MYRIP: variants seen among roughly 807,000 people sequenced by gnomAD.
MYRIP encodes rab effector MyRIP.
Under a neutral mutation model 98.0 loss-of-function variants are expected in MYRIP, and 49 were observed. That is an observed-to-expected ratio of 0.50 (90% CI 0.40 to 0.63). The LOEUF (loss-of-function observed/expected upper bound fraction) is 0.63. Among genes scored for constraint, MYRIP ranks in the 30% least tolerant of loss-of-function variants. The probability of loss-of-function intolerance (pLI) is 0.00; values close to 1 mark genes in which losing one functional copy is unlikely to be tolerated. For synonymous variants in MYRIP, 404 were observed against 409.5 expected, an observed-to-expected ratio of 0.99 and a Z score of 0.16; for missense variants, 1,004 against 1,058.2, an observed-to-expected ratio of 0.95 and a Z score of 0.71.
chr3:40,025,127 C>G (rs1947093236), intron 2 of MYRIP, among the ~76,000 whole-genome samples: 1 of 152,154 alleles, frequency 6.6e-6, no homozygotes, highest in Admixed American at 6.5e-5. Context: ...ACTCGCTGAA[C>G]CTGAGGCTAG....
At chr3:40,144,368 C>G (rs1949970262) in intron 3 of MYRIP, among the ~76,000 whole-genome samples, 2 of 152,216 alleles carry the variant, frequency 1.3e-5, no homozygotes, top group African/African-American at 4.8e-5. Flanking sequence ...GTCATGAGAC[C>G]ACCACCACTA....
intron 3 of MYRIP, among the ~76,000 whole-genome samples, chr3:40,121,553 C>A (rs1485899572): frequency 6.6e-6 from 1 of 152,068 alleles, no homozygotes; most frequent in Admixed American, 6.5e-5. Flanking sequence ...CCACTGCATT[C>A]TTTGGGTGCC....
chr3:39,996,997 C>T (rs1001893659), intron 2 of MYRIP, among the ~76,000 whole-genome samples: 16 of 152,214 alleles, frequency 1.1e-4, no homozygotes, highest in African/African-American at 3.4e-4. Flanking sequence ...AGAACAAAGA[C>T]ACAACATACC....
intron 2 of MYRIP, among the ~76,000 whole-genome samples, chr3:39,927,502 T>G (rs183158476): frequency 6.6e-6 from 1 of 151,822 alleles, no homozygotes; most frequent in Non-Finnish European, 1.5e-5. Flanking sequence ...AGGGAAGAAA[T>G]TGAAACTCTG....
chr3:39,919,696 GT>G (rs1944259765), intron 2 of MYRIP, among the ~76,000 whole-genome samples: 9 of 67,332 alleles, frequency 1.3e-4, no homozygotes, highest in Admixed American at 2.2e-4. Context: ...TATGTGTGGT[GT>G]GTGTGTGTGT....
intron 3 of MYRIP, among the ~76,000 whole-genome samples, chr3:40,095,323 C>G (rs571018940): frequency 2.0e-5 from 3 of 152,288 alleles, no homozygotes; most frequent in African/African-American, 7.2e-5. Context: ...CTTCTTTGAG[C>G]AGAGAGGGTG....
intron 3 of MYRIP, among the ~76,000 whole-genome samples, chr3:40,078,092 C>T (rs935269965): frequency 2.0e-5 from 3 of 152,240 alleles, no homozygotes; most frequent in South Asian, 2.1e-4. Context: ...AGCTAAGGCC[C>T]GATGAGAAAT....
chr3:39,977,119 A>AT (rs1419008569), intron 2 of MYRIP, among the ~76,000 whole-genome samples: 2 of 150,896 alleles, frequency 1.3e-5, no homozygotes, highest in Non-Finnish European at 2.9e-5. Flanking sequence ...TAAAAGGTTT[A>AT]TTTTAAAAAA....
At chr3:39,860,021 A>G (rs1472542353) in intron 1 of MYRIP, among the ~76,000 whole-genome samples, 1 of 152,238 alleles carries the variant, frequency 6.6e-6, no homozygotes, top group African/African-American at 2.4e-5. Flanking sequence ...GTAGGCAAGA[A>G]AAGGAAATAC....
At chr3:40,159,478 G>GTTGCTCTTCTCGAGGAGTATCTTTGTGGA (rs1309660926) in intron 4 of MYRIP, among the ~76,000 whole-genome samples, 8 of 151,906 alleles carry the variant, frequency 5.3e-5, no homozygotes, top group African/African-American at 1.9e-4. Context: ...GTGTCTTGGA[G>GTTGCTCTTCTCGAGGAGTATCTTTGTGGA]TTGCTCTTCT....
chr3:39,896,067 A>C (rs776391331), intron 1 of MYRIP, among the ~76,000 whole-genome samples: 1 of 152,240 alleles, frequency 6.6e-6, no homozygotes, highest in African/African-American at 2.4e-5. Flanking sequence ...TCTAAGGAGC[A>C]TGTGTCAGTG....
At chr3:40,193,538 C>T (rs772534148) in intron 10 of MYRIP, among the ~76,000 whole-genome samples, 47 of 152,000 alleles carry the variant, frequency 3.1e-4, no homozygotes, top group African/African-American at 9.7e-4. Flanking sequence ...TAAACAATAC[C>T]GCAGAGAGTA....
chr3:40,193,407 C>T (rs1013879105), intron 10 of MYRIP, among the ~76,000 whole-genome samples: 1 of 152,180 alleles, frequency 6.6e-6, no homozygotes, highest in African/African-American at 2.4e-5. Context: ...ACTCCTTAAC[C>T]CCCTTGGTTC....
At chr3:40,011,530 GTCT>G (rs1946759606) in intron 2 of MYRIP, among the ~76,000 whole-genome samples, 1 of 152,160 alleles carries the variant, frequency 6.6e-6, no homozygotes, top group Admixed American at 6.5e-5. Context: ...GAGCTTCTCT[GTCT>G]TCTTCTGCAC....
At chr3:39,834,654 G>A (rs1454496653) in intron 1 of MYRIP, among the ~76,000 whole-genome samples, 2 of 152,026 alleles carry the variant, frequency 1.3e-5, no homozygotes, top group Non-Finnish European at 2.9e-5. Flanking sequence ...AAATTATGCT[G>A]TAATATAAGT....
At chr3:39,886,274 C>T (rs1170781101) in intron 1 of MYRIP, among the ~76,000 whole-genome samples, 11 of 151,722 alleles carry the variant, frequency 7.3e-5, no homozygotes, top group African/African-American at 2.7e-4. Flanking sequence ...GAAGAAACTG[C>T]ATCAACTAAC....
intron 1 of MYRIP, among the ~76,000 whole-genome samples, chr3:39,837,821 T>G (rs1941674621): frequency 1.3e-5 from 2 of 152,184 alleles, no homozygotes; most frequent in Admixed American, 1.3e-4. Flanking sequence ...TGGCCATTTT[T>G]GTGATATTGA....
At chr3:39,873,131 A>G (rs375646566) in intron 1 of MYRIP, among the ~76,000 whole-genome samples, 4 of 152,030 alleles carry the variant, frequency 2.6e-5, no homozygotes, top group East Asian at 3.9e-4. Context: ...CTGCATAAAT[A>G]TCTTCTTTTG....
intron 3 of MYRIP, among the ~76,000 whole-genome samples, chr3:40,095,516 G>T (rs962727234): frequency 8.5e-5 from 13 of 152,170 alleles, no homozygotes; most frequent in African/African-American, 3.1e-4. Flanking sequence ...ACTCTGAGAA[G>T]CCAGCTTTGT....
Sources: gnomAD v4.1 joint callset for allele counts (sites outside exome capture counted in the v4.1 genomes callset) on GRCh38, gnomAD v4.1.1 for gene constraint, MANE v1.5 for transcripts, NCBI Gene and HGNC (gene_info 2026-07-23, HGNC 2026-07-21) for gene names.